The following ERC1 variants were observed in gnomAD, a reference collection of about 807,000 sequenced individuals.
ERC1 encodes RAB6 interacting protein 2.
Under a neutral mutation model 132.0 loss-of-function variants are expected in ERC1, and 56 were observed. The ratio of observed to expected loss-of-function variants is 0.42; its 90% CI spans 0.34 to 0.53. The LOEUF (loss-of-function observed/expected upper bound fraction) is 0.53, where lower values mean the gene tolerates loss of function less well. Among genes scored for constraint, ERC1 ranks in the 20% least tolerant of loss-of-function variants. ERC1 has a pLI of 0.03. For synonymous variants in ERC1, 478 were observed against 476.1 expected (o/e 1.00, Z -0.05); for missense variants, 1,202 against 1,349.9 (o/e 0.89, Z 1.72).
intron 15 of ERC1, among the ~76,000 whole-genome samples, chr12:1,338,279 C>T (rs890229636): frequency 2.5e-4 from 38 of 152,166 alleles, no homozygotes; most frequent in Admixed American, 2.3e-3. Context: ...TATTTCAAAA[C>T]GTCAGTCTTC....
intron 14 of ERC1, among the ~76,000 whole-genome samples, chr12:1,263,602 G>C (rs933762296): frequency 7.9e-5 from 12 of 152,292 alleles, no homozygotes; most frequent in African/African-American, 2.9e-4. Context: ...AGATGAAATG[G>C]AGCTTGTCTG....
intron 15 of ERC1, among the ~76,000 whole-genome samples, chr12:1,313,026 A>G (rs1306615919): frequency 1.3e-5 from 2 of 152,138 alleles, no homozygotes; most frequent in East Asian, 1.9e-4. Flanking sequence ...ATAAGAAAAG[A>G]TTAATAGAAT....
chr12:1,167,811 G>A (rs1382514517), intron 8 of ERC1, among the ~76,000 whole-genome samples: 1 of 151,530 alleles, frequency 6.6e-6, no homozygotes. Context: ...CCGCCTCCTG[G>A]GTTCCAGCAG....
At chr12:1,053,164 C>T (rs963815642) in intron 2 of ERC1, among the ~76,000 whole-genome samples, 83 of 152,150 alleles carry the variant, frequency 5.5e-4, no homozygotes, top group African/African-American at 1.9e-3. Flanking sequence ...AATTCTAAAA[C>T]GCTTGTTCAA....
rs1433755289 is a variant in ERC1, at chr12:1,104,835, A to C, written c.1161+11A>C. On this transcript the variant is annotated intron_variant, in intron 4 of 18. Coordinates refer to ENST00000360905, the MANE Select transcript of ERC1 (RefSeq NM_178040.4). ...GTTATTGAGATGAAGGTAAGTGAGA[A>C]TCTAGTAAAGAATCTTATGAATTAC... is the stretch of plus-strand genomic sequence containing the variant. 3.1e-6 allele frequency: 5 copies of C among 1,587,682 alleles called. No individual in the cohort carries two copies. The highest frequency in any genetic ancestry group is 1.3e-5 in the African/African-American group (1 of 74,428).
chr12:1,156,576 C>G (rs1351391689), intron 8 of ERC1, among the ~76,000 whole-genome samples: 1 of 152,162 alleles, frequency 6.6e-6, no homozygotes, highest in Non-Finnish European at 1.5e-5. Context: ...ATGACATAAC[C>G]GTCTCATTCA....
At chr12:1,277,123 G>A (rs1022881921) in intron 14 of ERC1, among the ~76,000 whole-genome samples, 1 of 152,200 alleles carries the variant, frequency 6.6e-6, no homozygotes, top group Non-Finnish European at 1.5e-5. Context: ...TGGCAAAACA[G>A]AGGGCTTATA....
At chr12:1,270,170 T>C (rs1486555202) in intron 14 of ERC1, among the ~76,000 whole-genome samples, 1 of 152,196 alleles carries the variant, frequency 6.6e-6, no homozygotes, top group Non-Finnish European at 1.5e-5. Context: ...CTTACATCTA[T>C]AGAAGTGAAA....
chr12:1,413,366 G>A (rs1220257616), intron 17 of ERC1, among the ~76,000 whole-genome samples: 3 of 152,178 alleles, frequency 2.0e-5, no homozygotes, highest in Non-Finnish European at 2.9e-5. Context: ...GGCCGAGGCA[G>A]GCAGATTGGT....
intron 3 of ERC1, among the ~76,000 whole-genome samples, chr12:1,090,905 A>G (rs1376596762): frequency 2.5e-4 from 7 of 28,358 alleles, no homozygotes; most frequent in African/African-American, 4.1e-4. Flanking sequence ...TATTATTATT[A>G]TTATTATCAT....
intron 1 of ERC1, among the ~76,000 whole-genome samples, chr12:1,021,344 G>A (rs189072561): frequency 1.7e-4 from 26 of 152,214 alleles, no homozygotes; most frequent in African/African-American, 5.5e-4. Context: ...TTTGCAGCGG[G>A]CCACTTTGCG....
At chr12:1,191,491 T>A (rs1955732717) in intron 12 of ERC1, among the ~76,000 whole-genome samples, 1 of 152,306 alleles carries the variant, frequency 6.6e-6, no homozygotes, top group South Asian at 2.1e-4. Context: ...TAAGTTTTAT[T>A]TTATGGTTTG....
intron 15 of ERC1, among the ~76,000 whole-genome samples, chr12:1,347,365 A>G (rs2084575913): frequency 6.6e-6 from 1 of 152,182 alleles, no homozygotes; most frequent in Non-Finnish European, 1.5e-5. Flanking sequence ...ACAAATAAAA[A>G]TTGTGTATGT....
In ERC1 at chr12:1,051,506, A is replaced by T. The variant is rs115502606; in HGVS notation, c.669+22934A>T. ...GGAGTTTGAGACCAGCAAGGGCTAC[A>T]TAGCAAGGCCTCGTCTCTACCCCAA... On this transcript the variant is annotated intron_variant, in intron 2 of 18. Coordinates refer to ENST00000360905, the MANE Select transcript of ERC1 (RefSeq NM_178040.4). 5.8e-3 allele frequency among the ~76,000 whole-genome samples: 872 copies of T among 150,870 alleles called. 10 individuals carry two copies. Among genetic ancestry groups the T allele is most frequent in the African/African-American group, 0.02 (801 of 40,790 alleles).
At chr12:1,400,908 A>ATT (rs2090967822) in intron 16 of ERC1, among the ~76,000 whole-genome samples, 19 of 43,404 alleles carry the variant, frequency 4.4e-4, no homozygotes, top group Non-Finnish European at 9.6e-4. Flanking sequence ...TGTTTTGGCT[A>ATT]TTTTTGTATT....
chr12:1,129,469 T>C (rs931408396), intron 7 of ERC1, among the ~76,000 whole-genome samples: 3 of 152,198 alleles, frequency 2.0e-5, no homozygotes, highest in Non-Finnish European at 2.9e-5. Context: ...AGGGCAGTAG[T>C]GAGCTATGAT....
intron 7 of ERC1, among the ~76,000 whole-genome samples, chr12:1,129,447 G>C (rs759394171): frequency 3.3e-5 from 5 of 152,204 alleles, no homozygotes; most frequent in Non-Finnish European, 7.3e-5. Flanking sequence ...CTTGACCTTA[G>C]CTAAGGGCTT....
chr12:1,324,768 A>T (rs574040126), intron 15 of ERC1, among the ~76,000 whole-genome samples: 27 of 152,304 alleles, frequency 1.8e-4, no homozygotes, highest in African/African-American at 6.3e-4. Flanking sequence ...TAAATCTTCC[A>T]ATTTTGTTTC....
intron 15 of ERC1, among the ~76,000 whole-genome samples, chr12:1,309,961 G>GTTTT (rs376120283): frequency 2.8e-5 from 4 of 143,892 alleles, no homozygotes; most frequent in South Asian, 4.4e-4. Flanking sequence ...GTTTTGTTTT[G>GTTTT]TTTTGAGACA....
Sources: gnomAD v4.1 joint callset for allele counts (sites outside exome capture counted in the v4.1 genomes callset) on GRCh38, gnomAD v4.1.1 for gene constraint, MANE v1.5 for transcripts, NCBI Gene and HGNC (gene_info 2026-07-23, HGNC 2026-07-21) for gene names.